Variants in SFMBT1 observed in about 807,000 individuals in gnomAD.
The protein encoded by SFMBT1 is scm-like with four MBT domains protein 1.
A neutral mutation model predicts 108.7 loss-of-function variants in SFMBT1; 32 were observed. That is an observed-to-expected ratio of 0.29 (90% confidence interval 0.22 to 0.40). The LOEUF is 0.40. Ranked by LOEUF, SFMBT1 falls within the 10% of genes least tolerant of loss-of-function variation. The pLI is 1.00. For synonymous variants in SFMBT1, 348 were observed against 369.5 expected (o/e 0.94, Z 0.67); for missense variants, 816 against 1,059.6 (o/e 0.77, Z 3.19).
At chr3:52,922,042 A>G (rs1702536029) in intron 10 of SFMBT1, among the ~76,000 whole-genome samples, 1 of 152,214 alleles carries the variant, frequency 6.6e-6, no homozygotes, top group Admixed American at 6.5e-5. Context: ...CTTTGATGTC[A>G]GATATTCCTG....
intron 1 of SFMBT1, among the ~76,000 whole-genome samples, chr3:53,023,125 C>T (rs961522072): frequency 1.3e-5 from 2 of 152,080 alleles, no homozygotes; most frequent in African/African-American, 2.4e-5. Flanking sequence ...AGGAGCAACC[C>T]GACCTTTAAA....
At chr3:52,995,697 G>A (rs1329961825) in intron 1 of SFMBT1, among the ~76,000 whole-genome samples, 2 of 150,070 alleles carry the variant, frequency 1.3e-5, no homozygotes, top group African/African-American at 4.8e-5. Flanking sequence ...ATTGCACCCA[G>A]CCTGGCAAAT....
chr3:52,905,654 C>A (rs1702048027), intron 20 of SFMBT1, among the ~76,000 whole-genome samples: 1 of 152,206 alleles, frequency 6.6e-6, no homozygotes, highest in Non-Finnish European at 1.5e-5. Context: ...TGTTTTCCTA[C>A]TCTGTAACAT....
At chr3:52,979,441 C>CA (rs1226581717) in intron 1 of SFMBT1, among the ~76,000 whole-genome samples, 1 of 152,250 alleles carries the variant, frequency 6.6e-6, no homozygotes, top group Non-Finnish European at 1.5e-5. Flanking sequence ...CCTTCCGCCA[C>CA]ATAGCTCTAC....
intron 1 of SFMBT1, among the ~76,000 whole-genome samples, chr3:52,991,977 G>T (rs1359238825): frequency 6.6e-6 from 1 of 152,212 alleles, no homozygotes; most frequent in Non-Finnish European, 1.5e-5. Context: ...GGAGGAGATT[G>T]TCCATTTCTG....
At chr3:53,018,460 G>C (rs1161700915) in intron 1 of SFMBT1, among the ~76,000 whole-genome samples, 5 of 151,742 alleles carry the variant, frequency 3.3e-5, no homozygotes, top group African/African-American at 1.2e-4. Context: ...CCTTCAGTTA[G>C]ACCCCATGTT....
chr3:53,045,753 C>CGCCGCCGCCGCCCCTCCAG (rs1700217758), intron 1 of SFMBT1, 63 bp downstream of exon 1: 1 of 149,352 alleles, frequency 6.7e-6, no homozygotes, highest in Non-Finnish European at 1.5e-5. Context: ...CCCGCCCCGG[C>CGCCGCCGCCGCCCCTCCAG]GCCGCCGCCG....
rs1414964639 is a variant in SFMBT1, at chr3:52,913,261, G to A, written c.1620+217C>T. Among the ~76,000 whole-genome samples the A allele has an allele frequency of 2.0e-5, 3 of 151,632 alleles. No individual in the cohort carries two copies. In the East Asian group the frequency reaches 5.9e-4, roughly 30 times the overall value. The stretch of plus-strand genomic sequence containing the variant: ...GACAGAAGACCTTTCTACCCTGACA[G>A]AGGTGAACCTGCTGTGTGAAGAGTT... On this transcript the variant is annotated intron_variant, in intron 15 of 20. Coordinates refer to ENST00000394752, the MANE Select transcript of SFMBT1 (RefSeq NM_016329.4).
chr3:52,934,884 A>G lies in SFMBT1; in HGVS notation c.382T>C (p.Ser128Pro). The change falls in exon 5 of 21, where the codon TCT becomes CCT. Residue 128 changes from serine (S) to proline (P), a missense_variant. Ser to Pro is a moderately conservative substitution (Grantham distance 74). Coordinates refer to ENST00000394752, the MANE Select transcript of SFMBT1 (RefSeq NM_016329.4). ...TGCCGCAGAAACTCATCCCAGTCAGATACTTTATCTCTGATGCCTAGATGA... is the reference window on the plus strand; with the variant it reads ...TGCCGCAGAAACTCATCCCAGTCAGGTACTTTATCTCTGATGCCTAGATGA... ...EAPEGIRDKV[S>P]DWDEFLRQTL... 1 of 1,613,286 alleles carries G rather than the reference A, an allele frequency of 6.2e-7. No homozygotes were observed. Among genetic ancestry groups the G allele is most frequent in the Non-Finnish European group, 8.5e-7 (1 of 1,179,616 alleles).
intron 1 of SFMBT1, among the ~76,000 whole-genome samples, chr3:53,037,396 G>A (rs1468996399): frequency 6.6e-6 from 1 of 152,182 alleles, no homozygotes; most frequent in Non-Finnish European, 1.5e-5. Flanking sequence ...ATAATGCCTA[G>A]GAGAAGATCT....
rs1234206615 is a variant in SFMBT1, at chr3:52,932,305, G to A, written c.457C>T (p.Arg153Cys). 4.4e-6 allele frequency: 7 copies of A among 1,608,914 alleles called. No homozygotes were observed. Among genetic ancestry groups the A allele is most frequent in the African/African-American group, 4.0e-5 (3 of 74,596 alleles). ...SPPVPLLEGL[R>C]NGRNPLDLIA... is the part of the protein sequence containing the mutation. ...AGATCTAAAGGATTCCTCCCATTAC[G>A]GAGCTGTAGGATTAAAAAGTAAAAC... is the stretch of plus-strand genomic sequence containing the variant. Residue 153 changes from arginine (R) to cysteine (C), a missense_variant, in exon 6 of 21, where the codon CGT (arginine) becomes TGT (cysteine). Physicochemically the swap from Arg to Cys is radical, Grantham distance 180. This residue lies in a region of SFMBT1 where 495 missense variants were observed against 607.4 expected (regional missense o/e 0.81). Coordinates refer to ENST00000394752, the MANE Select transcript of SFMBT1 (RefSeq NM_016329.4).
chr3:52,995,809 C>T (rs1389036777), intron 1 of SFMBT1, among the ~76,000 whole-genome samples: 11 of 149,948 alleles, frequency 7.3e-5, no homozygotes, highest in Non-Finnish European at 1.5e-4. Context: ...CCCCAGCTCA[C>T]GCCTATAATC....
chr3:52,920,390 T>C (rs1434306035), intron 12 of SFMBT1, 147 bp downstream of exon 12: 1 of 692,884 alleles, frequency 1.4e-6, no homozygotes, highest in African/African-American at 1.8e-5. Flanking sequence ...TATTAAATAT[T>C]TGTTACAATA....
chr3:52,911,227 C>A, intron 16 of SFMBT1, 49 bp from the exon 17 acceptor site: 2 of 1,523,354 alleles, frequency 1.3e-6, no homozygotes, highest in Non-Finnish European at 1.8e-6. Flanking sequence ...TAATGATTAC[C>A]CAGAGAAAAA....
At chr3:52,931,650 G>A (rs991587579) in intron 6 of SFMBT1, among the ~76,000 whole-genome samples, 2 of 152,084 alleles carry the variant, frequency 1.3e-5, no homozygotes, top group African/African-American at 4.8e-5. Flanking sequence ...GACCAGACTG[G>A]CCAACATGGT....
rs1439073379 is a variant in SFMBT1, at chr3:52,909,215, T to C, written c.1907-1482A>G. ...ATTTCAACTATATTATTGTGAAAGA[T>C]AAATTCAGACAAAAGGCACAATAAA... is the stretch of plus-strand genomic sequence containing the variant. On this transcript the variant is annotated intron_variant, in intron 17 of 20. Coordinates refer to ENST00000394752, the MANE Select transcript of SFMBT1 (RefSeq NM_016329.4). Among the ~76,000 whole-genome samples, 3 of 152,344 alleles carry C rather than the reference T, an allele frequency of 2.0e-5. No homozygotes were observed. The East Asian group carries it at 5.8e-4, about 29-fold the overall frequency.
intron 4 of SFMBT1, among the ~76,000 whole-genome samples, chr3:52,939,142 GTAT>G (rs1469076545): frequency 6.6e-6 from 1 of 152,084 alleles, no homozygotes; most frequent in Non-Finnish European, 1.5e-5. Flanking sequence ...AATAGCCGTG[GTAT>G]TATTTTTTGC....
chr3:52,911,073 G>T lies in SFMBT1; in HGVS notation c.1836C>A (p.Asn612Lys). 6.2e-7 allele frequency: 1 copy of T among 1,614,174 alleles called. No individual in the cohort carries two copies. Among genetic ancestry groups the T allele is most frequent in the Non-Finnish European group, 8.5e-7 (1 of 1,180,034 alleles). Residue 612 changes from asparagine (N) to lysine (K), a missense_variant, in exon 17 of 21, where the codon AAC (asparagine) becomes AAA (lysine). Asn to Lys is a moderately conservative substitution (Grantham distance 94). Transcript: ENST00000394752. ...QTCIKLECCP[N>K]LFGPRMVLDK... ...CCAGAACCATCCGTGGACCGAAGAGGTTAGGACAGCATTCCAGTTTGATAC... is the reference window on the plus strand; with the variant it reads ...CCAGAACCATCCGTGGACCGAAGAGTTTAGGACAGCATTCCAGTTTGATAC...
intron 1 of SFMBT1, among the ~76,000 whole-genome samples, chr3:53,004,102 A>G (rs2564964): frequency 0.3 from 45,193 of 149,384 alleles, 9,502 homozygotes; most frequent in East Asian, 0.51. Context: ...GATCATATTC[A>G]GCTACTGAAA....
Sources: gnomAD v4.1 joint callset for allele counts (sites outside exome capture counted in the v4.1 genomes callset) on GRCh38, gnomAD v4.1.1 for gene constraint, gnomAD v4.1.1 regional missense constraint, MANE v1.5 for transcripts, NCBI Gene and HGNC (gene_info 2026-07-23, HGNC 2026-07-21) for gene names.